The following TBCEL variants were observed in gnomAD, a reference collection of about 807,000 sequenced individuals.
The protein encoded by TBCEL is tubulin folding cofactor E like.
Under a neutral mutation model 44.2 loss-of-function variants are expected in TBCEL, and 15 were observed. The ratio of observed to expected loss-of-function variants is 0.34; its 90% CI spans 0.23 to 0.52. The LOEUF is 0.52. TBCEL is among the 20% of genes least tolerant of loss of function. TBCEL has a pLI of 0.95. For synonymous variants in TBCEL, 171 were observed against 185.4 expected (o/e 0.92, Z 0.63); for missense variants, 319 against 506.3 (o/e 0.63, Z 3.55).
At chr11:121,054,358 C>A (rs1474944952) in intron 5 of TBCEL, among the ~76,000 whole-genome samples, 4 of 151,764 alleles carry the variant, frequency 2.6e-5, no homozygotes, top group African/African-American at 9.7e-5. Flanking sequence ...CATCTTATTC[C>A]GTCTTAATTT....
chr11:121,068,729 C>CA (rs899979807), intron 8 of TBCEL, among the ~76,000 whole-genome samples: 10 of 151,392 alleles, frequency 6.6e-5, no homozygotes, highest in South Asian at 4.2e-4. Flanking sequence ...ACTAAAAATA[C>CA]AAAAAAAATT....
rs569830000 is a variant in TBCEL at position 121,051,453 on chromosome 11, C to G, written c.274-2098C>G. Among the ~76,000 whole-genome samples, 963 of 151,848 alleles carry G rather than the reference C, an allele frequency of 6.3e-3. 11 individuals are homozygous for G. Among genetic ancestry groups the G allele is most frequent in the African/African-American group, 0.022 (919 of 41,486 alleles). On this transcript the variant is annotated intron_variant, in intron 4 of 8. Transcript: ENST00000683345. The stretch of plus-strand genomic sequence containing the variant: ...TAGTTGGAGCATAATTCCTGTCCCC[C>G]TCCAACCTCCACAAAGAGGTTAAGT...
At chr11:121,047,798 C>A in intron 4 of TBCEL, 131 bp downstream of exon 4, 2 of 1,156,980 alleles carry the variant, frequency 1.7e-6, no homozygotes, top group Non-Finnish European at 2.4e-6. Flanking sequence ...GTCTGTATAT[C>A]TTATTGTCTG....
chr11:121,083,139 G>T (rs1423753135), intron 8 of TBCEL, among the ~76,000 whole-genome samples: 1 of 152,222 alleles, frequency 6.6e-6, no homozygotes, highest in African/African-American at 2.4e-5. Flanking sequence ...GGTTGAAACA[G>T]ATATTGAGAA....
chr11:121,059,266 G>T (rs906390681), intron 7 of TBCEL, among the ~76,000 whole-genome samples: 2 of 151,906 alleles, frequency 1.3e-5, no homozygotes, highest in Admixed American at 1.3e-4. Flanking sequence ...AAATAAATGT[G>T]AGCATACTTT....
At chr11:121,037,007 AG>A (rs1181811248) in intron 2 of TBCEL, among the ~76,000 whole-genome samples, 1 of 152,192 alleles carries the variant, frequency 6.6e-6, no homozygotes, top group African/African-American at 2.4e-5. Flanking sequence ...ATAGAAGAAG[AG>A]GGTGGTAATG....
rs1944999409 is a variant in TBCEL, at chr11:121,024,124, CTG to C, written c.-292_-291del. ...GCTGCTTCCGGGTCAATGCAGGACA[CTG>C]GGCTCCGGCGGCCAGAGTGGGGGAC... On this transcript the variant is annotated 5_prime_UTR_variant, in exon 1 of 9. It introduces an in-frame stop codon into an upstream open reading frame of the 5' UTR. Transcript: ENST00000683345. 6.5e-6 allele frequency: 1 copy of C among 153,126 alleles called. No individual in the cohort carries two copies. The highest frequency in any genetic ancestry group is 6.5e-5 in the Admixed American group (1 of 15,294). The allele number at this position is 153,126 out of a possible 1,614,324, so 9.5% of individuals were successfully genotyped here.
chr11:121,082,980 C>G (rs1024479262), intron 8 of TBCEL, among the ~76,000 whole-genome samples: 5 of 152,102 alleles, frequency 3.3e-5, no homozygotes, highest in African/African-American at 4.8e-5. Context: ...AAGCCTCTAC[C>G]CAAACTGTTT....
chr11:121,058,547 T>C (rs1945663424), intron 7 of TBCEL, 76 bp downstream of exon 7: 7 of 1,544,038 alleles, frequency 4.5e-6, no homozygotes, highest in African/African-American at 1.4e-5. Context: ...CACTGTTTAG[T>C]GGGAGTGCAC....
chr11:121,024,564 C>T (rs1010021857), intron 1 of TBCEL, among the ~76,000 whole-genome samples: 1 of 149,312 alleles, frequency 6.7e-6, no homozygotes, highest in African/African-American at 2.5e-5. Flanking sequence ...GGACTGGTCC[C>T]GGGTTGGAGG....
intron 4 of TBCEL, among the ~76,000 whole-genome samples, chr11:121,050,937 C>T (rs974786251): frequency 1.3e-5 from 2 of 151,470 alleles, no homozygotes; most frequent in African/African-American, 4.8e-5. Context: ...AATATACTGC[C>T]CTAGAAACTC....
intron 8 of TBCEL, among the ~76,000 whole-genome samples, chr11:121,062,478 A>G (rs1054598390): frequency 2.0e-5 from 3 of 152,092 alleles, no homozygotes; most frequent in Non-Finnish European, 4.4e-5. Context: ...TGCTTGAGTT[A>G]TATGTTGCGT....
At position 121,059,998 on chromosome 11, in the gene TBCEL, G is replaced by A; in HGVS notation, c.869G>A (p.Ser290Asn). Residue 290 changes from serine to asparagine, a missense_variant, in exon 8 of 9, where the codon AGC becomes AAC. Coordinates refer to ENST00000683345, the MANE Select transcript of TBCEL (RefSeq NM_001363644.2). ...CCATCAGTTTCCAAACTTAATGGCA[G>A]CGTTGTTACTGATGGTGAACGAGAA... The part of the protein sequence containing the change: ...RLPSVSKLNG[S>N]VVTDGEREDS... The A allele has an allele frequency of 6.2e-7, 1 of 1,611,024 alleles. No individual in the cohort carries two copies. Among genetic ancestry groups the A allele is most frequent in the East Asian group, 2.2e-5 (1 of 44,744 alleles).
At chr11:121,075,341 T>C (rs1266786254) in intron 8 of TBCEL, among the ~76,000 whole-genome samples, 1 of 151,930 alleles carries the variant, frequency 6.6e-6, no homozygotes, top group Non-Finnish European at 1.5e-5. Flanking sequence ...TGGATCACTA[T>C]AGGCAAAAAA....
In TBCEL at chr11:121,089,080, G is replaced by C. The variant is rs578055139; in HGVS notation, c.*1984G>C. On this transcript the variant is annotated 3_prime_UTR_variant, in exon 9 of 9. Coordinates refer to ENST00000683345, the MANE Select transcript of TBCEL (RefSeq NM_001363644.2). ...CTTTGTGTATGTATGCATGAGTGCAGATGAGTTTGAGAGAGAAAAAGTGTA... is the reference window on the plus strand; with the variant it reads ...CTTTGTGTATGTATGCATGAGTGCACATGAGTTTGAGAGAGAAAAAGTGTA... 6 of 152,320 alleles carry C rather than the reference G, an allele frequency of 3.9e-5. No homozygotes were observed. The East Asian group carries it at 1.2e-3, about 29-fold the overall frequency. 9.4% of individuals were successfully genotyped at this position (152,320 alleles called of 1,614,324 possible).
chr11:121,078,902 T>C (rs982744257), intron 8 of TBCEL, among the ~76,000 whole-genome samples: 3 of 152,336 alleles, frequency 2.0e-5, no homozygotes, highest in Admixed American at 2.0e-4. Context: ...CAATTTTTAC[T>C]CTATGTTTGG....
chr11:121,073,041 G>A (rs1309006672), intron 8 of TBCEL, among the ~76,000 whole-genome samples: 1 of 151,970 alleles, frequency 6.6e-6, no homozygotes, highest in Non-Finnish European at 1.5e-5. Flanking sequence ...TACAACATTG[G>A]TAAATTACTT....
intron 2 of TBCEL, among the ~76,000 whole-genome samples, chr11:121,040,860 C>T (rs935958315): frequency 7.2e-5 from 11 of 152,088 alleles, no homozygotes; most frequent in South Asian, 2.1e-4. Context: ...TCTTTCCACT[C>T]GTATTCCTCA....
At chr11:121,029,819 CAGA>C (rs1486676208) in intron 1 of TBCEL, among the ~76,000 whole-genome samples, 4 of 152,212 alleles carry the variant, frequency 2.6e-5, no homozygotes, top group African/African-American at 9.6e-5. Context: ...ATTTCACTGT[CAGA>C]AGGTGTTGCT....
Sources: allele counts gnomAD v4.1 joint callset (sites outside exome capture counted in the v4.1 genomes callset), GRCh38; gene constraint gnomAD v4.1.1; transcripts MANE v1.5; gene names NCBI Gene and HGNC (gene_info 2026-07-23, HGNC 2026-07-21).